SPOCK3: variants seen among roughly 807,000 people sequenced by gnomAD.
The protein encoded by SPOCK3 is testican-3.
Under a neutral mutation model 56.6 loss-of-function variants are expected in SPOCK3, and 30 were observed. The ratio of observed to expected loss-of-function variants is 0.53; its 90% CI spans 0.40 to 0.72. The LOEUF (loss-of-function observed/expected upper bound fraction) is 0.72. Among genes scored for constraint, SPOCK3 ranks in the 30% least tolerant of loss-of-function variants. SPOCK3 has a pLI of 0.00. For synonymous variants in SPOCK3, 196 were observed against 183.3 expected (o/e 1.07, Z -0.56); for missense variants, 527 against 530.0 (o/e 0.99, Z 0.06).
intron 10 of SPOCK3, among the ~76,000 whole-genome samples, chr4:166,736,201 G>C (rs1206132975): frequency 6.6e-6 from 1 of 152,030 alleles, no homozygotes; most frequent in African/African-American, 2.4e-5. Flanking sequence ...TACTGTGTTA[G>C]TTATAAAATG....
chr4:166,931,337 T>TGGGGGGGGGGGG, intron 4 of SPOCK3, among the ~76,000 whole-genome samples: 1 of 104,502 alleles, frequency 9.6e-6, no homozygotes, highest in Admixed American at 9.5e-5. Context: ...GTGTGGGGGG[T>TGGGGGGGGGGGG]GGGGGGGCAA....
chr4:166,771,447 G>A (rs1360512101), intron 7 of SPOCK3, among the ~76,000 whole-genome samples: 1 of 151,872 alleles, frequency 6.6e-6, no homozygotes, highest in Non-Finnish European at 1.5e-5. Flanking sequence ...TAAGGCCTAG[G>A]TATATTAAAA....
chr4:167,194,861 C>T (rs1732790603), intron 2 of SPOCK3, among the ~76,000 whole-genome samples: 1 of 152,136 alleles, frequency 6.6e-6, no homozygotes, highest in Non-Finnish European at 1.5e-5. Context: ...GGACTGTTAC[C>T]ATGGCTTGGA....
chr4:167,090,020 T>G (rs1252232023), intron 2 of SPOCK3, among the ~76,000 whole-genome samples: 2 of 152,344 alleles, frequency 1.3e-5, no homozygotes, highest in Admixed American at 6.5e-5. Context: ...TTGGGTATCC[T>G]TTCGGCAGCT....
At chr4:166,802,350 A>T (rs908695275) in intron 6 of SPOCK3, among the ~76,000 whole-genome samples, 8 of 152,154 alleles carry the variant, frequency 5.3e-5, no homozygotes, top group African/African-American at 1.9e-4. Flanking sequence ...TGGCCTGATG[A>T]ACAGCAATTC....
At chr4:167,211,174 C>T (rs771577140) in intron 2 of SPOCK3, among the ~76,000 whole-genome samples, 8 of 152,224 alleles carry the variant, frequency 5.3e-5, no homozygotes, top group African/African-American at 1.4e-4. Context: ...TTCGGACTTG[C>T]GTGCGGCCTG....
Position 166,876,484 on chromosome 4 carries a change from A to G in SPOCK3, c.589+12646T>C, listed in dbSNP as rs117669590. 8.2e-4 allele frequency among the ~76,000 whole-genome samples: 125 copies of G among 152,296 alleles called. 2 individuals carry two copies. The East Asian group carries it at 0.014, about 17-fold the overall frequency. ...TAAAATAAATACACATAAAAGTAAA[A>G]GCAGAAAAATATCAAATATCATGTT... On this transcript the variant is annotated intron_variant, in intron 6 of 10. Transcript: ENST00000357545.
chr4:166,742,559 T>G (rs1734996351), intron 8 of SPOCK3, among the ~76,000 whole-genome samples: 1 of 152,170 alleles, frequency 6.6e-6, no homozygotes, highest in African/African-American at 2.4e-5. Flanking sequence ...ACAAAAGTAA[T>G]CTAGGAAAAA....
chr4:166,897,928 G>T (rs921268560), intron 5 of SPOCK3, among the ~76,000 whole-genome samples: 1 of 152,162 alleles, frequency 6.6e-6, no homozygotes, highest in Non-Finnish European at 1.5e-5. Flanking sequence ...CATGGCTTAT[G>T]CCTGTAATCC....
At chr4:166,767,169 T>G (rs13114168) in intron 7 of SPOCK3, among the ~76,000 whole-genome samples, 49,845 of 151,602 alleles carry the variant, frequency 0.33, 8,331 homozygotes, top group Admixed American at 0.41. Flanking sequence ...TTTGAAGGGT[T>G]TTTTGTGTCT....
At position 166,925,445 on chromosome 4, in the gene SPOCK3, AC is replaced by A. The variant is rs553616146; in HGVS notation, c.351-12703del. Among the ~76,000 whole-genome samples, 32 of 152,254 alleles carry A rather than the reference AC, an allele frequency of 2.1e-4. No individual in the cohort carries two copies. In the East Asian group the frequency reaches 5.4e-3, roughly 26 times the overall value. On this transcript the variant is annotated intron_variant, in intron 4 of 10. Coordinates refer to ENST00000357545, the MANE Select transcript of SPOCK3 (RefSeq NM_001040159.2). ...ACTGCCTGAACCTGAGAATACGCTT[AC>A]TAGTTTAACGTGTGTGTAAAAAGTA...
intron 3 of SPOCK3, among the ~76,000 whole-genome samples, chr4:167,059,263 G>A (rs535509813): frequency 1.4e-4 from 21 of 152,166 alleles, no homozygotes; most frequent in Non-Finnish European, 2.6e-4. Flanking sequence ...CTGACAAAGG[G>A]CTAATATCCA....
intron 6 of SPOCK3, among the ~76,000 whole-genome samples, chr4:166,857,755 G>C (rs1730839028): frequency 6.6e-6 from 1 of 152,202 alleles, no homozygotes; most frequent in Admixed American, 6.5e-5. Context: ...CATATGCTGA[G>C]AAAGTAGTAT....
At chr4:167,159,925 G>A (rs1765139776) in intron 2 of SPOCK3, among the ~76,000 whole-genome samples, 1 of 152,084 alleles carries the variant, frequency 6.6e-6, no homozygotes, top group Admixed American at 6.6e-5. Flanking sequence ...CAAACCTACA[G>A]CCAATATCAT....
chr4:166,780,161 C>A (rs1740005289), intron 7 of SPOCK3, among the ~76,000 whole-genome samples: 1 of 151,968 alleles, frequency 6.6e-6, no homozygotes, highest in Admixed American at 6.6e-5. Context: ...TGTCCTAGAG[C>A]AATACAGTAA....
At chr4:166,749,824 A>G (rs1381683503) in intron 8 of SPOCK3, among the ~76,000 whole-genome samples, 3 of 152,098 alleles carry the variant, frequency 2.0e-5, no homozygotes, top group African/African-American at 7.2e-5. Context: ...TTTTTTATAC[A>G]GACATTTAAA....
chr4:167,087,698 T>C lies in SPOCK3; in HGVS notation c.190-25161A>G, dbSNP rs184675304. Among the ~76,000 whole-genome samples the C allele has an allele frequency of 1.3e-3, 201 of 152,300 alleles. 1 individual carries two copies. Among genetic ancestry groups the C allele is most frequent in the African/African-American group, 4.6e-3 (193 of 41,578 alleles). ...AAGTTATTGAATTTATTTCAAGTTA[T>C]CACATATAAAGTAAACACCATTATT... On this transcript the variant is annotated intron_variant, in intron 2 of 10. Transcript: ENST00000357545.
At chr4:166,765,525 T>A (rs537689586) in intron 7 of SPOCK3, among the ~76,000 whole-genome samples, 1 of 152,350 alleles carries the variant, frequency 6.6e-6, no homozygotes, top group Non-Finnish European at 1.5e-5. Context: ...CTGAGGGCTC[T>A]GTTCTGTTCC....
chr4:167,116,761 TAC>T (rs1761433640), intron 2 of SPOCK3, among the ~76,000 whole-genome samples: 1 of 138,588 alleles, frequency 7.2e-6, no homozygotes, highest in African/African-American at 2.6e-5. Flanking sequence ...TATGTATATA[TAC>T]ACACATATAG....
Sources: gnomAD v4.1 joint callset for allele counts (sites outside exome capture counted in the v4.1 genomes callset) on GRCh38, gnomAD v4.1.1 for gene constraint, MANE v1.5 for transcripts, NCBI Gene and HGNC (gene_info 2026-07-23, HGNC 2026-07-21) for gene names.